MTO1: variants seen among roughly 807,000 people sequenced by gnomAD.
MTO1 encodes the protein mitochondrial tRNA translation optimization 1.
In MTO1, 46 loss-of-function variants were observed where a neutral mutation model predicts 71.6. The observed-to-expected ratio is 0.64, with a 90% CI of 0.51 to 0.82. The LOEUF is 0.82. Ranked by LOEUF, MTO1 falls within the 40% of genes least tolerant of loss-of-function variation. The probability of loss-of-function intolerance (pLI) is 0.00; values close to 1 mark genes in which losing one functional copy is unlikely to be tolerated. For synonymous variants in MTO1, 297 were observed against 312.1 expected, an observed-to-expected ratio of 0.95 and a Z score of 0.51; for missense variants, 773 against 867.5, an observed-to-expected ratio of 0.89 and a Z score of 1.37.
chr6:73,472,195 C>T (rs1561941879), intron 3 of MTO1, among the ~76,000 whole-genome samples: 1 of 152,166 alleles, frequency 6.6e-6, no homozygotes, highest in Non-Finnish European at 1.5e-5. Context: ...ATAGCTATCT[C>T]CCCTCTGCTA....
rs1561942587 is a variant in MTO1, at chr6:73,473,639, G to A, written c.810G>A (p.Glu270=). 6.2e-7 allele frequency: 1 copy of A among 1,611,330 alleles called. No individual in the cohort carries two copies. Among genetic ancestry groups the A allele is most frequent in the Non-Finnish European group, 8.5e-7 (1 of 1,178,644 alleles). Residue 270 remains glutamate, a synonymous_variant, in exon 4 of 12, where the codon GAG becomes GAA. Coordinates refer to ENST00000498286, the MANE Select transcript of MTO1 (RefSeq NM_012123.4). ...NPSIPFSFTN[E]TVWIKPEDQL... is the part of the protein sequence containing the mutation. ...CCATACCATTCAGCTTTACCAATGA[G>A]ACAGTATGGATTAAGGTAAGATACT...
Position 73,482,474 on chromosome 6 carries a change from C to G in MTO1, c.1491C>G (p.Ser497=). The G allele has an allele frequency of 6.2e-7, 1 of 1,613,104 alleles. No individual in the cohort carries two copies. Among genetic ancestry groups the G allele is most frequent in the Non-Finnish European group, 8.5e-7 (1 of 1,179,782 alleles). ...GGTATAAAGACGCTGGCTGTGTGTC[C>G]CAACAACGATATGAAAGAGCTTGTT... is the stretch of plus-strand genomic sequence containing the variant. The part of the protein sequence containing the change: ...LRGYKDAGCV[S]QQRYERACWM... The change falls in exon 9 of 12, where the codon TCC becomes TCG. Residue 497 remains serine, a synonymous_variant. Transcript: ENST00000498286.
At chr6:73,499,854 A>G (rs1457447958) in intron 11 of MTO1, among the ~76,000 whole-genome samples, 1 of 152,240 alleles carries the variant, frequency 6.6e-6, no homozygotes, top group Non-Finnish European at 1.5e-5. Flanking sequence ...ATATTCATAC[A>G]TTTCACTGTA....
At position 73,507,964 on chromosome 6, in the gene MTO1, G is replaced by A. The variant is rs1001371154; in HGVS notation, c.*7229G>A. 9 of 123,514 alleles carry A rather than the reference G, an allele frequency of 7.3e-5. No individual in the cohort carries two copies. Among genetic ancestry groups the A allele is most frequent in the Admixed American group, 2.9e-4 (3 of 10,524 alleles). The allele number at this position is 123,514 out of a possible 1,614,324, so 7.7% of individuals were successfully genotyped here. A position where few individuals can be genotyped will look rare whatever the true frequency, so the allele number is the denominator to read the frequency against. The stretch of plus-strand genomic sequence containing the variant: ...TGCACTCTAGCCTGGGCGACAAAGC[G>A]AGACTCTGTCTCAAAAAAAAAAAAA... On this transcript the variant is annotated 3_prime_UTR_variant, in exon 12 of 12. Transcript: ENST00000498286.
At chr6:73,485,309 T>A (rs193050646) in intron 9 of MTO1, among the ~76,000 whole-genome samples, 2 of 152,278 alleles carry the variant, frequency 1.3e-5, no homozygotes, top group Admixed American at 6.5e-5. Flanking sequence ...GGATTTTTTT[T>A]AAAAAGGTCA....
rs35006239 is a variant in MTO1, at chr6:73,489,278, CT to C, written c.1638-2944del. On this transcript the variant is annotated intron_variant, in intron 9 of 11. Coordinates refer to ENST00000498286, the MANE Select transcript of MTO1 (RefSeq NM_012123.4). ...GTTTATTTCTGGGTTTTCTTTTTTT[CT>C]TTTTTTTTTTTGTATATTATTATAC... is the stretch of plus-strand genomic sequence containing the variant. Among the ~76,000 whole-genome samples the C allele has an allele frequency of 6.4e-3, 915 of 143,442 alleles. 25 individuals carry two copies. The highest frequency in any genetic ancestry group is 0.042 in the Admixed American group (604 of 14,374). 94.1% of individuals were successfully genotyped at this position (143,442 alleles called of 152,430 possible).
chr6:73,473,603 G>T lies in MTO1; in HGVS notation c.774G>T (p.Pro258=), dbSNP rs748667460. 2 of 1,613,840 alleles carry T rather than the reference G, an allele frequency of 1.2e-6. No homozygotes were observed. Among genetic ancestry groups the T allele is most frequent in the East Asian group, 4.5e-5 (2 of 44,876 alleles). ...INFSILNKHI[P]DNPSIPFSFT... ...TCAGTATTCTAAACAAGCATATACC[G>T]GACAATCCATCCATACCATTCAGCT... is the stretch of plus-strand genomic sequence containing the variant. The change falls in exon 4 of 12, where the codon CCG becomes CCT. Residue 258 remains proline, a synonymous_variant. Transcript: ENST00000498286.
At chr6:73,500,513 A>G (rs1772127262) in intron 11 of MTO1, 61 bp from the exon 12 acceptor site, 4 of 1,448,160 alleles carry the variant, frequency 2.8e-6, no homozygotes, top group South Asian at 1.4e-5. Flanking sequence ...ATTTGGAGGA[A>G]AATAGATTTG....
chr6:73,482,866 A>C (rs1364072044), intron 9 of MTO1, among the ~76,000 whole-genome samples: 1 of 130,698 alleles, frequency 7.7e-6, no homozygotes, highest in East Asian at 2.2e-4. Context: ...ATCTCGGCTC[A>C]CTGCAAGCTC....
chr6:73,467,614 AAAAT>A (rs70996806), intron 3 of MTO1, among the ~76,000 whole-genome samples: 104 of 143,560 alleles, frequency 7.2e-4, no homozygotes, highest in East Asian at 1.0e-3. Context: ...ACTCTGTCTC[AAAAT>A]AAATAAATAA....
intron 3 of MTO1, among the ~76,000 whole-genome samples, chr6:73,467,586 C>A (rs538947404): frequency 1.4e-5 from 2 of 141,058 alleles, no homozygotes; most frequent in Non-Finnish European, 3.2e-5. Context: ...GCTCTCCAGC[C>A]TGGGCAACAA....
At chr6:73,467,977 T>C (rs966188939) in intron 3 of MTO1, among the ~76,000 whole-genome samples, 1 of 151,780 alleles carries the variant, frequency 6.6e-6, no homozygotes, top group Non-Finnish European at 1.5e-5. Context: ...CGTACCACCA[T>C]GCCCAGCTAA....
intron 1 of MTO1, among the ~76,000 whole-genome samples, chr6:73,463,301 G>A (rs573809182): frequency 6.6e-6 from 1 of 152,150 alleles, no homozygotes; most frequent in African/African-American, 2.4e-5. Flanking sequence ...AAAATGCTGG[G>A]ATTACAGGCA....
Position 73,480,686 on chromosome 6 carries a change from C to G in MTO1, c.1141C>G (p.Gln381Glu), listed in dbSNP as rs1771463297. 1.4e-5 allele frequency: 23 copies of G among 1,613,910 alleles called. No homozygotes were observed. Among genetic ancestry groups the G allele is most frequent in the Non-Finnish European group, 1.8e-5 (21 of 1,179,906 alleles). ...TGTTCTTTGGTCAGGCTACGGTGTTCAGTATGATTACTTAGATCCCCGTCA... is the reference window on the plus strand; with the variant it reads ...TGTTCTTTGGTCAGGCTACGGTGTTGAGTATGATTACTTAGATCCCCGTCA... ...AKVIQPGYGV[Q>E]YDYLDPRQIT... Residue 381 changes from glutamine to glutamate, a missense_variant, in exon 7 of 12, where the codon CAG (glutamine) becomes GAG (glutamate). By Grantham distance (29) the Gln-to-Glu change is conservative (BLOSUM62 2). Coordinates refer to ENST00000498286, the MANE Select transcript of MTO1 (RefSeq NM_012123.4).
At chr6:73,463,708 T>C (rs1770894736) in intron 1 of MTO1, among the ~76,000 whole-genome samples, 1 of 152,136 alleles carries the variant, frequency 6.6e-6, no homozygotes, top group African/African-American at 2.4e-5. Flanking sequence ...GATTATACTT[T>C]TCTCATCATA....
At chr6:73,484,235 G>T (rs1771593201) in intron 9 of MTO1, among the ~76,000 whole-genome samples, 1 of 152,136 alleles carries the variant, frequency 6.6e-6, no homozygotes, top group African/African-American at 2.4e-5. Context: ...CACAAATAAG[G>T]ATGGTGGATA....
intron 9 of MTO1, among the ~76,000 whole-genome samples, chr6:73,489,129 G>T (rs1771737935): frequency 6.6e-6 from 1 of 152,104 alleles, no homozygotes; most frequent in Non-Finnish European, 1.5e-5. Context: ...TATGACATAA[G>T]GTAAGGGTCC....
chr6:73,491,820 G>A (rs992497049), intron 9 of MTO1, among the ~76,000 whole-genome samples: 3 of 152,180 alleles, frequency 2.0e-5, no homozygotes, highest in Non-Finnish European at 4.4e-5. Flanking sequence ...ACTATACTTA[G>A]AAATAATCTT....
In MTO1 at chr6:73,501,402, G is replaced by A. The variant is rs988256948; in HGVS notation, c.*667G>A. ...ATACTTATTTGGTGACCTAGTTATG[G>A]GAGAATTGAGTAACGTTAGTTATTT... On this transcript the variant is annotated 3_prime_UTR_variant, in exon 12 of 12. Transcript: ENST00000498286. 5.3e-5 allele frequency: 8 copies of A among 152,056 alleles called. No individual in the cohort carries two copies. The highest frequency in any genetic ancestry group is 5.9e-5 in the Non-Finnish European group (4 of 68,022). 9.4% of individuals were successfully genotyped at this position (152,056 alleles called of 1,614,324 possible). A position where few individuals can be genotyped will look rare whatever the true frequency, so the allele number is the denominator to read the frequency against.
Sources: gnomAD v4.1 joint callset for allele counts (sites outside exome capture counted in the v4.1 genomes callset) on GRCh38, gnomAD v4.1.1 for gene constraint, MANE v1.5 for transcripts, NCBI Gene and HGNC (gene_info 2026-07-23, HGNC 2026-07-21) for gene names.